The following LMLN variants were observed in gnomAD, a reference collection of about 807,000 sequenced individuals.
LMLN encodes leishmanolysin-like peptidase.
In LMLN, 70 loss-of-function variants were observed where a neutral mutation model predicts 92.3. That is an observed-to-expected ratio of 0.76 (90% CI 0.63 to 0.92). LMLN has a LOEUF of 0.92. LMLN is among the 40% of genes least tolerant of loss of function. The pLI, the probability that LMLN is intolerant of heterozygous loss-of-function variation, is 0.00. For synonymous variants in LMLN, 308 were observed against 296.2 expected (o/e 1.04, Z -0.41); for missense variants, 691 against 814.6 (o/e 0.85, Z 1.85).
intron 10 of LMLN, among the ~76,000 whole-genome samples, chr3:197,997,133 T>C (rs911001952): frequency 7.3e-5 from 11 of 151,478 alleles, no homozygotes; most frequent in African/African-American, 2.2e-4. Flanking sequence ...CCTTTTCTTT[T>C]AACTTTCTTT....
At chr3:197,983,789 A>G (rs529285906) in intron 6 of LMLN, among the ~76,000 whole-genome samples, 154 bp from the exon 7 acceptor site, 1 of 152,312 alleles carries the variant, frequency 6.6e-6, no homozygotes, top group Non-Finnish European at 1.5e-5. Flanking sequence ...AAAGCAGAGG[A>G]TACATGTCTT....
chr3:197,960,268 G>A (rs1720812509), exon 1 of LMLN: 1 of 1,613,476 alleles, frequency 6.2e-7, no homozygotes. Context: ...TGGGGCGGAG[G>A]AGTGGGTTAC....
chr3:197,999,251 G>C lies in LMLN; in HGVS notation c.1156-15G>C. ...AGAGAATCTAGTCTAATTAAACCCT[G>C]TTGGTGATTTTCAGAATGAAGCGAT... is the stretch of plus-strand genomic sequence containing the variant. On this transcript the variant is annotated splice_polypyrimidine_tract_variant and intron_variant, in intron 10 of 15. Transcript: ENST00000330198. The C allele has an allele frequency of 6.3e-7, 1 of 1,597,400 alleles. No homozygotes were observed. The highest frequency in any genetic ancestry group is 8.6e-7 in the Non-Finnish European group (1 of 1,164,810).
intron 13 of LMLN, among the ~76,000 whole-genome samples, chr3:198,024,381 A>T (rs2109941376): frequency 6.6e-6 from 1 of 151,832 alleles, no homozygotes; most frequent in South Asian, 2.1e-4. Context: ...GCGCCCGGCT[A>T]ATTTTTTGTG....
chr3:198,034,584 C>G (rs796736201), intron 14 of LMLN, among the ~76,000 whole-genome samples: 7 of 152,222 alleles, frequency 4.6e-5, no homozygotes, highest in African/African-American at 1.7e-4. Context: ...GCACTCCAGC[C>G]TGGGCAACAG....
intron 11 of LMLN, among the ~76,000 whole-genome samples, chr3:198,010,778 T>C (rs1722412116): frequency 6.6e-6 from 1 of 152,222 alleles, no homozygotes; most frequent in Non-Finnish European, 1.5e-5. Context: ...TCTTGATTTT[T>C]GAGATTATTG....
exon 1 of LMLN, chr3:197,960,252 G>C: frequency 6.2e-7 from 1 of 1,611,688 alleles, no homozygotes; most frequent in Non-Finnish European, 8.5e-7. Context: ...GAAGATGGCG[G>C]CCGAATGGGG....
At chr3:198,013,646 C>G (rs1224322466) in intron 11 of LMLN, among the ~76,000 whole-genome samples, 20 of 116,458 alleles carry the variant, frequency 1.7e-4, no homozygotes, top group Non-Finnish European at 2.9e-4. Context: ...TGACTTCTCT[C>G]CACCCTTCAG....
At chr3:198,036,203 G>A (rs954940434) in intron 15 of LMLN, among the ~76,000 whole-genome samples, 160 bp downstream of exon 16, 4 of 152,072 alleles carry the variant, frequency 2.6e-5, no homozygotes, top group South Asian at 2.1e-4. Flanking sequence ...CACCATTATC[G>A]GAAATCTAAG....
chr3:198,030,738 T>C (rs1723055768), intron 14 of LMLN, among the ~76,000 whole-genome samples: 1 of 152,216 alleles, frequency 6.6e-6, no homozygotes, highest in South Asian at 2.1e-4. Context: ...TATTCTTTTT[T>C]GGATTTTTTT....
At chr3:198,014,683 G>C (rs1228539040) in intron 11 of LMLN, among the ~76,000 whole-genome samples, 27 of 130,418 alleles carry the variant, frequency 2.1e-4, no homozygotes, top group Admixed American at 4.0e-4. Flanking sequence ...TGACTTCTCT[G>C]TATCCTTCAG....
chr3:197,986,042 A>G, intron 8 of LMLN, 152 bp downstream of exon 8: 1 of 576,204 alleles, frequency 1.7e-6, no homozygotes, highest in East Asian at 2.8e-5. Flanking sequence ...GGGATATAAG[A>G]GGCCATTTTA....
intron 1 of LMLN, among the ~76,000 whole-genome samples, chr3:197,966,276 A>C (rs1170804426): frequency 6.6e-6 from 1 of 152,146 alleles, no homozygotes; most frequent in Non-Finnish European, 1.5e-5. Flanking sequence ...TCCTGACCTC[A>C]AGTGATCCAC....
intron 14 of LMLN, among the ~76,000 whole-genome samples, chr3:198,029,042 G>T (rs1341563603): frequency 1.3e-5 from 2 of 152,104 alleles, no homozygotes; most frequent in Non-Finnish European, 2.9e-5. Flanking sequence ...ATCCAGTTTA[G>T]GAGCCCTCTC....
intron 1 of LMLN, among the ~76,000 whole-genome samples, chr3:197,964,005 T>C (rs1403077218): frequency 4.6e-5 from 7 of 152,224 alleles, no homozygotes; most frequent in Non-Finnish European, 7.3e-5. Context: ...GTCAAATGCT[T>C]TTTGTTTTTT....
At chr3:198,011,268 C>T (rs901367707) in intron 11 of LMLN, among the ~76,000 whole-genome samples, 4 of 144,138 alleles carry the variant, frequency 2.8e-5, no homozygotes, top group Admixed American at 2.1e-4. Context: ...TGCTATCCCT[C>T]CTCACTCCCC....
rs1721333643 is a variant in LMLN, at chr3:197,975,134, A to C, written c.348+62A>C. The C allele has an allele frequency of 3.2e-6, 3 of 926,412 alleles. No individual in the cohort carries two copies. The East Asian group carries it at 7.4e-5, about 23-fold the overall frequency. The allele number at this position is 926,412 out of a possible 1,614,324, so 57.4% of individuals were successfully genotyped here. A position where few individuals can be genotyped will look rare whatever the true frequency, so the allele number is the denominator to read the frequency against. ...TAAAATTTTATTGCATGGAAATTCT[A>C]CTTCAGTAAAGAAAAATATATACAT... On this transcript the variant is annotated intron_variant, in intron 3 of 15. Coordinates refer to ENST00000330198, the Ensembl canonical transcript of LMLN.
At chr3:198,008,551 G>A (rs1284630985) in intron 11 of LMLN, among the ~76,000 whole-genome samples, 1 of 152,104 alleles carries the variant, frequency 6.6e-6, no homozygotes, top group Non-Finnish European at 1.5e-5. Flanking sequence ...CATGGCGAAA[G>A]CCCATCTCTA....
chr3:198,017,016 G>T (rs1722658495), intron 11 of LMLN, among the ~76,000 whole-genome samples: 1 of 152,096 alleles, frequency 6.6e-6, no homozygotes, highest in African/African-American at 2.4e-5. Flanking sequence ...CACTTGCTTG[G>T]GAGGCTGAGG....
Sources: gnomAD v4.1 joint callset for allele counts (sites outside exome capture counted in the v4.1 genomes callset) on GRCh38, gnomAD v4.1.1 for gene constraint, MANE v1.5 for transcripts, NCBI Gene and HGNC (gene_info 2026-07-23, HGNC 2026-07-21) for gene names.